The following FAM120C variants were observed in gnomAD, a reference collection of about 807,000 sequenced individuals.
FAM120C encodes constitutive coactivator of PPAR-gamma-like protein 2.
Under a neutral mutation model 71.2 loss-of-function variants are expected in FAM120C, and 14 were observed. The observed-to-expected ratio is 0.20, with a 90% CI of 0.13 to 0.31. The LOEUF (loss-of-function observed/expected upper bound fraction) is 0.31. Among genes scored for constraint, FAM120C ranks in the 10% least tolerant of loss-of-function variants. FAM120C has a pLI of 1.00. For synonymous variants in FAM120C, 354 were observed against 353.2 expected (o/e 1.00, Z -0.03); for missense variants, 500 against 879.0 (o/e 0.57, Z 5.45).
chrX:54,145,633 C>T (rs1337364267), intron 4 of FAM120C, among the ~76,000 whole-genome samples: 133 of 111,633 alleles, frequency 1.2e-3, no homozygotes, highest in Non-Finnish European at 1.9e-3. Flanking sequence ...GTTAGAATGG[C>T]GATCATTAAA....
intron 15 of FAM120C, 117 bp from the exon 16 acceptor site, chrX:54,073,404 ACCT>A (rs781822425): frequency 6.7e-5 from 47 of 699,322 alleles, no homozygotes; most frequent in Admixed American, 7.9e-5. Context: ...ACACCAGAAG[ACCT>A]CAAGCTGGTT....
At chrX:54,096,822 G>A (rs1199840202) in intron 10 of FAM120C, among the ~76,000 whole-genome samples, 2 of 111,460 alleles carry the variant, frequency 1.8e-5, no homozygotes, top group South Asian at 3.7e-4. Context: ...TTATTGGGTC[G>A]TAGGTTATAT....
chrX:54,159,761 C>A, intron 1 of FAM120C, 145 bp from the exon 2 acceptor site: 61 of 347,898 alleles, frequency 1.8e-4, no homozygotes, highest in Non-Finnish European at 2.4e-4. Flanking sequence ...ACATTTTTTA[C>A]TTTTTTTTTT....
At chrX:54,088,224 G>C (rs1557122211) in intron 11 of FAM120C, among the ~76,000 whole-genome samples, 3 of 111,078 alleles carry the variant, frequency 2.7e-5, no homozygotes, top group Non-Finnish European at 3.8e-5. Flanking sequence ...GAAAGTAAAG[G>C]CTGAAAGAAC....
chrX:54,144,846 C>G (rs1408934658), intron 4 of FAM120C, among the ~76,000 whole-genome samples: 1 of 111,760 alleles, frequency 8.9e-6, no homozygotes, highest in African/African-American at 3.3e-5. Context: ...AAAAAAGAGC[C>G]TGCATTGCCA....
Position 54,159,620 on chromosome X carries a change from G to C in FAM120C, c.700-4C>G. 3 of 1,210,595 alleles carry C rather than the reference G, an allele frequency of 2.5e-6. No individual in the cohort carries two copies. The highest frequency in any genetic ancestry group is 3.4e-6 in the Non-Finnish European group (3 of 895,056). On this transcript the variant is annotated splice_polypyrimidine_tract_variant and splice_region_variant and intron_variant, in intron 1 of 15. Coordinates refer to ENST00000375180, the MANE Select transcript of FAM120C (RefSeq NM_017848.6). ...GGTCTTCAAGGCTCTGAAAGACCTA[G>C]AAGGGAAGAAGAGAACGTGTCATGC...
chrX:54,157,857 G>T, intron 2 of FAM120C, 86 bp from the exon 3 acceptor site: 1 of 580,558 alleles, frequency 1.7e-6, no homozygotes. Context: ...GAGAGAAAAT[G>T]ATCAAATAAT....
chrX:54,129,117 C>T, intron 9 of FAM120C, among the ~76,000 whole-genome samples: 1 of 106,076 alleles, frequency 9.4e-6, no homozygotes, highest in African/African-American at 3.4e-5. Flanking sequence ...CCCCACCTCC[C>T]TCCCGGACGG....
chrX:54,116,360 C>T (rs1006314655), intron 10 of FAM120C, among the ~76,000 whole-genome samples, 185 bp downstream of exon 10: 3 of 111,256 alleles, frequency 2.7e-5, no homozygotes, highest in Admixed American at 9.6e-5. Flanking sequence ...ATGCATGGAC[C>T]GATATGACCA....
rs1569532746 is a variant in FAM120C at position 54,132,771 on chromosome X, T to TA, written c.1982dup (p.Tyr662IlefsTer6). The TA allele has an allele frequency of 8.3e-7, 1 of 1,209,822 alleles. No individual in the cohort carries two copies. On this transcript the variant is annotated frameshift_variant, in exon 9 of 16. Coordinates refer to ENST00000375180, the MANE Select transcript of FAM120C (RefSeq NM_017848.6). LOFTEE classifies it high-confidence loss of function. The stretch of plus-strand genomic sequence containing the variant: ...CTGCCAGACTAAAAAGAACTCCATA[T>TA]ACATATTGACGAGCTGACCGGAATA...
intron 4 of FAM120C, among the ~76,000 whole-genome samples, chrX:54,143,029 T>C (rs1443968215): frequency 8.9e-6 from 1 of 111,872 alleles, no homozygotes; most frequent in South Asian, 3.7e-4. Context: ...CTGAGGGTCC[T>C]GACTGTTAGA....
intron 1 of FAM120C, among the ~76,000 whole-genome samples, chrX:54,176,349 C>T (rs1466691355): frequency 9.4e-6 from 1 of 106,210 alleles, no homozygotes; most frequent in African/African-American, 3.5e-5. Flanking sequence ...AGGAGAATTG[C>T]TTGAACCCAG....
Position 54,072,910 on chromosome X carries a change from C to T in FAM120C, c.*123G>A. 3 of 865,505 alleles carry T rather than the reference C, an allele frequency of 3.5e-6. No individual in the cohort carries two copies. Among genetic ancestry groups the T allele is most frequent in the Non-Finnish European group, 4.8e-6 (3 of 626,125 alleles). 71.3% of individuals were successfully genotyped at this position (865,505 alleles called of 1,213,427 possible). A position where few individuals can be genotyped will look rare whatever the true frequency, so the allele number is the denominator to read the frequency against. On this transcript the variant is annotated 3_prime_UTR_variant, in exon 16 of 16. Coordinates refer to ENST00000375180, the MANE Select transcript of FAM120C (RefSeq NM_017848.6). ...AGGGGAAAAGATGGACACAATAGGACATCCCACCAAAATCCTGGAGAAATC... is the reference window on the plus strand; with the variant it reads ...AGGGGAAAAGATGGACACAATAGGATATCCCACCAAAATCCTGGAGAAATC...
intron 4 of FAM120C, among the ~76,000 whole-genome samples, chrX:54,138,879 A>G (rs1170308678): frequency 2.7e-5 from 3 of 112,475 alleles, no homozygotes; most frequent in Non-Finnish European, 3.8e-5. Context: ...CAGAAGTAAA[A>G]ATTAATGTTT....
chrX:54,095,135 C>T (rs887902334), intron 10 of FAM120C, among the ~76,000 whole-genome samples: 8 of 111,716 alleles, frequency 7.2e-5, no homozygotes, highest in African/African-American at 2.6e-4. Flanking sequence ...GTGCCTGGCA[C>T]AGCAGGTGCT....
chrX:54,084,454 A>G (rs192263879), intron 13 of FAM120C, among the ~76,000 whole-genome samples: 1 of 112,161 alleles, frequency 8.9e-6, no homozygotes, highest in Non-Finnish European at 1.9e-5. Context: ...AATAGATAAC[A>G]AACACCTTCA....
At chrX:54,118,977 T>C (rs1458965714) in intron 9 of FAM120C, among the ~76,000 whole-genome samples, 3 of 25,861 alleles carry the variant, frequency 1.2e-4, no homozygotes, top group African/African-American at 3.2e-4. Flanking sequence ...TGGTTTTTTG[T>C]TCTTGCGATA....
At chrX:54,109,005 T>C (rs1468918679) in intron 10 of FAM120C, among the ~76,000 whole-genome samples, 1 of 56,759 alleles carries the variant, frequency 1.8e-5, no homozygotes, top group South Asian at 1.1e-3. Flanking sequence ...ATTGAAACTT[T>C]ATCCACAGTG....
chrX:54,115,080 A>G (rs1557126447), intron 10 of FAM120C, among the ~76,000 whole-genome samples: 1 of 112,021 alleles, frequency 8.9e-6, no homozygotes, highest in African/African-American at 3.2e-5. Context: ...TTAAAAGGCT[A>G]GTAAAAACGA....
Sources: allele counts gnomAD v4.1 joint callset (sites outside exome capture counted in the v4.1 genomes callset), GRCh38; gene constraint gnomAD v4.1.1; transcripts MANE v1.5; gene names NCBI Gene and HGNC (gene_info 2026-07-23, HGNC 2026-07-21).